MGARP: variants seen among roughly 807,000 people sequenced by gnomAD.
MGARP encodes protein MGARP.
A neutral mutation model predicts 11.0 loss-of-function variants in MGARP; 12 were observed. The observed-to-expected ratio is 1.09, with a 90% CI of 0.70 to 1.77. MGARP has a LOEUF of 1.77. Among genes scored for constraint, MGARP ranks in the 40% most tolerant of loss-of-function variants. The pLI, the probability that MGARP is intolerant of heterozygous loss-of-function variation, is 0.00. For missense variants in MGARP, 283 were observed against 297.8 expected (o/e 0.95, Z 0.36); for synonymous variants, 110 against 115.4 (o/e 0.95, Z 0.30).
At chr4:139,278,568 C>CA (rs961547665) in intron 1 of MGARP, among the ~76,000 whole-genome samples, 71 of 151,556 alleles carry the variant, frequency 4.7e-4, no homozygotes, top group East Asian at 9.7e-4. Context: ...TCTGCAGCTA[C>CA]AAAAAAAAGG....
chr4:139,271,214 T>A (rs1744776090), intron 2 of MGARP, among the ~76,000 whole-genome samples: 1 of 152,198 alleles, frequency 6.6e-6, no homozygotes, highest in South Asian at 2.1e-4. Context: ...TAAGCCAGTC[T>A]GGTACTACTT....
In MGARP at chr4:139,266,906, C is replaced by A. The variant is rs199725848; in HGVS notation, c.416G>T (p.Cys139Phe). 156 of 1,614,056 alleles carry A rather than the reference C, an allele frequency of 9.7e-5. No individual in the cohort carries two copies. Among genetic ancestry groups the A allele is most frequent in the Admixed American group, 2.0e-4 (12 of 59,986 alleles). The change falls in exon 4 of 4, where the codon TGT becomes TTT. Residue 139 changes from cysteine to phenylalanine, a missense_variant. By Grantham distance (205) the Cys-to-Phe change is radical. Transcript: ENST00000398955. ...TVVVIKEASA[C>F]PGHVEAAPET... is the part of the protein sequence containing the mutation. ...CGGAGCAGCCTCCACGTGACCTGGA[C>A]AGGCAGATGCCTCTTTTATGACCAC...
chr4:139,268,129 A>G (rs1345044693), intron 3 of MGARP, among the ~76,000 whole-genome samples: 1 of 141,976 alleles, frequency 7.0e-6, no homozygotes, highest in African/African-American at 2.6e-5. Context: ...GAAGGGGGAA[A>G]GGAAGGGGGA....
intron 2 of MGARP, 27 bp downstream of exon 2, chr4:139,275,262 G>T: frequency 6.4e-7 from 1 of 1,567,672 alleles, no homozygotes; most frequent in South Asian, 1.1e-5. Flanking sequence ...ATGAATTCTT[G>T]AGCACTGTGG....
intron 1 of MGARP, among the ~76,000 whole-genome samples, chr4:139,278,488 T>C (rs1336617201): frequency 6.6e-6 from 1 of 152,224 alleles, no homozygotes; most frequent in Non-Finnish European, 1.5e-5. Flanking sequence ...GCAGCATTGC[T>C]AGATACGTAT....
intron 2 of MGARP, among the ~76,000 whole-genome samples, chr4:139,269,623 T>C (rs1744748121): frequency 8.6e-6 from 1 of 116,092 alleles, no homozygotes; most frequent in Non-Finnish European, 1.7e-5. Context: ...AGAGCAAGAC[T>C]CCATCTCAAA....
intron 2 of MGARP, among the ~76,000 whole-genome samples, chr4:139,269,630 CAA>C (rs56142345): frequency 6.1e-5 from 5 of 81,836 alleles, no homozygotes; most frequent in Non-Finnish European, 7.7e-5. Context: ...GACTCCATCT[CAA>C]AAAAAAAAAA....
chr4:139,269,897 A>T (rs982817124), intron 2 of MGARP, among the ~76,000 whole-genome samples: 6 of 152,160 alleles, frequency 3.9e-5, no homozygotes, highest in African/African-American at 1.2e-4. Context: ...ATTTATATAT[A>T]GTGTCTTCTA....
At chr4:139,271,045 C>G (rs1172035211) in intron 2 of MGARP, among the ~76,000 whole-genome samples, 2 of 152,052 alleles carry the variant, frequency 1.3e-5, no homozygotes, top group Admixed American at 6.6e-5. Flanking sequence ...TAATGTGTGG[C>G]CCAAAGAATC....
intron 1 of MGARP, among the ~76,000 whole-genome samples, chr4:139,276,659 C>T (rs1270616621): frequency 6.6e-6 from 1 of 151,950 alleles, no homozygotes; most frequent in African/African-American, 2.4e-5. Context: ...CCAGCCTGGG[C>T]AATGTGGTGA....
Position 139,268,666 on chromosome 4 carries a change from A to G in MGARP, c.280+6T>C, listed in dbSNP as rs768714710. On this transcript the variant is annotated splice_donor_region_variant and intron_variant, in intron 3 of 3. Coordinates refer to ENST00000398955, the MANE Select transcript of MGARP (RefSeq NM_032623.4). Reference sequence around the variant, plus strand: ...ATAAAAATAAAAAATTAAGAAATTCATTTACCTTGAAATGGATGTATCTCT... The same window carrying G: ...ATAAAAATAAAAAATTAAGAAATTCGTTTACCTTGAAATGGATGTATCTCT... 7.7e-6 allele frequency: 12 copies of G among 1,562,080 alleles called. No homozygotes were observed. Among genetic ancestry groups the G allele is most frequent in the Admixed American group, 1.9e-5 (1 of 53,258 alleles).
At chr4:139,270,608 G>GAAAAAAAAAA (rs751695236) in intron 2 of MGARP, among the ~76,000 whole-genome samples, 51 of 89,034 alleles carry the variant, frequency 5.7e-4, no homozygotes, top group East Asian at 6.7e-4. Flanking sequence ...GACCGCGTCT[G>GAAAAAAAAAA]AAAAAAAAAA....
intron 1 of MGARP, among the ~76,000 whole-genome samples, chr4:139,278,174 C>A (rs1744901503): frequency 6.6e-6 from 1 of 152,062 alleles, no homozygotes; most frequent in Admixed American, 6.6e-5. Context: ...TTGTGGTGAG[C>A]CGAGATCACG....
chr4:139,270,358 G>A (rs1483149287), intron 2 of MGARP, among the ~76,000 whole-genome samples: 4 of 149,970 alleles, frequency 2.7e-5, no homozygotes, highest in African/African-American at 7.3e-5. Context: ...GCCTGTAATC[G>A]CAGCACTTTG....
intron 1 of MGARP, among the ~76,000 whole-genome samples, chr4:139,277,787 A>G (rs999692283): frequency 6.6e-6 from 1 of 151,926 alleles, no homozygotes. Context: ...GAATGAGGGG[A>G]AAAAAAAGGT....
intron 2 of MGARP, among the ~76,000 whole-genome samples, chr4:139,270,298 CA>C (rs963066917): frequency 0.041 from 2,732 of 66,448 alleles, 41 homozygotes; most frequent in African/African-American, 0.079. Context: ...AACTCCGTCT[CA>C]AAAAAAAAAA....
chr4:139,275,235 C>G, intron 2 of MGARP, 54 bp downstream of exon 2: 1 of 1,450,110 alleles, frequency 6.9e-7, no homozygotes, highest in South Asian at 1.2e-5. Flanking sequence ...TGAGCTTTAC[C>G]ATGAGTTGTA....
chr4:139,277,634 A>G (rs1331071547), intron 1 of MGARP, among the ~76,000 whole-genome samples: 2 of 152,238 alleles, frequency 1.3e-5, no homozygotes, highest in African/African-American at 4.8e-5. Flanking sequence ...TAGCACATTC[A>G]TACAATGTGA....
chr4:139,273,655 C>T (rs892078459), intron 2 of MGARP, among the ~76,000 whole-genome samples: 2 of 151,692 alleles, frequency 1.3e-5, no homozygotes, highest in Non-Finnish European at 2.9e-5. Context: ...GCTATGATTA[C>T]AGGCACCTGC....
Sources: allele counts gnomAD v4.1 joint callset (sites outside exome capture counted in the v4.1 genomes callset), GRCh38; gene constraint gnomAD v4.1.1; transcripts MANE v1.5; gene names NCBI Gene and HGNC (gene_info 2026-07-23, HGNC 2026-07-21).